KAZN: variants seen among roughly 807,000 people sequenced by gnomAD.
The protein encoded by KAZN is kazrin.
Under a neutral mutation model 87.4 loss-of-function variants are expected in KAZN, and 40 were observed. The ratio of observed to expected loss-of-function variants is 0.46; its 90% CI spans 0.36 to 0.60. The LOEUF is 0.60. Ranked by LOEUF, KAZN falls within the 20% of genes least tolerant of loss-of-function variation. The pLI is 0.00. For synonymous variants in KAZN, 466 were observed against 458.3 expected, an observed-to-expected ratio of 1.02 and a Z score of -0.22; for missense variants, 898 against 1,073.9, an observed-to-expected ratio of 0.84 and a Z score of 2.29.
In KAZN at chr1:14,836,783, C is replaced by T. The variant is rs1426199062; in HGVS notation, c.227-123901C>T. Among the ~76,000 whole-genome samples, 5 of 152,120 alleles carry T rather than the reference C, an allele frequency of 3.3e-5. No individual in the cohort carries two copies. The East Asian group carries it at 9.6e-4, about 29-fold the overall frequency. The stretch of plus-strand genomic sequence containing the variant: ...CGCCTTGCCTCTCTTTAAAATTTTT[C>T]ATTATATTCTATTTAATATATTTTA... On this transcript the variant is annotated intron_variant, in intron 1 of 14. Transcript: ENST00000376030.
chr1:14,634,295 T>C (rs2148664133), intron 1 of KAZN, among the ~76,000 whole-genome samples: 1 of 152,344 alleles, frequency 6.6e-6, no homozygotes, highest in Non-Finnish European at 1.5e-5. Flanking sequence ...CTTCATTTTT[T>C]ATCAAGCCTG....
chr1:14,996,659 G>A lies in KAZN; in HGVS notation c.418+35784G>A, dbSNP rs1667894610. On this transcript the variant is annotated intron_variant, in intron 2 of 14. Coordinates refer to ENST00000376030, the MANE Select transcript of KAZN (RefSeq NM_201628.3). This position sits in a 1 kb window ranked among gnomAD's most constrained non-coding sequence, Gnocchi z 5.9. ...ACAAGATCAGGATCTGGGTCTGTGA[G>A]AGGCCCTGTGTCCCCTACATTCTCT... Among the ~76,000 whole-genome samples, 1 of 152,194 alleles carries A rather than the reference G, an allele frequency of 6.6e-6. No homozygotes were observed. Among genetic ancestry groups the A allele is most frequent in the African/African-American group, 2.4e-5 (1 of 41,454 alleles).
intron 2 of KAZN, among the ~76,000 whole-genome samples, chr1:14,283,664 T>C (rs1653022242): frequency 6.6e-6 from 1 of 152,162 alleles, no homozygotes; most frequent in African/African-American, 2.4e-5. Flanking sequence ...GCGACCCCTT[T>C]GGGAACAATC....
chr1:15,063,488 AG>A (rs1326510974), intron 6 of KAZN, 83 bp from the exon 7 acceptor site: 9 of 1,152,284 alleles, frequency 7.8e-6, no homozygotes, highest in Admixed American at 1.7e-5. Context: ...CTTCCACGGA[AG>A]GCCCCACACC....
At chr1:13,989,542 G>C (rs1372462243) in intron 1 of KAZN, among the ~76,000 whole-genome samples, 1 of 152,060 alleles carries the variant, frequency 6.6e-6, no homozygotes, top group Non-Finnish European at 1.5e-5. Context: ...AATTTTTCAG[G>C]GTTGGGTTAT....
chr1:14,578,976 A>C (rs939500199), intron 2 of KAZN, among the ~76,000 whole-genome samples: 1 of 152,106 alleles, frequency 6.6e-6, no homozygotes, highest in South Asian at 2.1e-4. Context: ...TCTTTTCCCT[A>C]TCCCCAGCAC....
chr1:15,032,326 G>A (rs1252731710), intron 2 of KAZN, among the ~76,000 whole-genome samples: 2 of 151,278 alleles, frequency 1.3e-5, no homozygotes, highest in Non-Finnish European at 2.9e-5. Flanking sequence ...CCGAGTAGCT[G>A]GGACTACAGG....
intron 1 of KAZN, among the ~76,000 whole-genome samples, chr1:14,011,886 C>T (rs1054945223): frequency 6.6e-6 from 1 of 152,180 alleles, no homozygotes; most frequent in African/African-American, 2.4e-5. Flanking sequence ...CTCACGATTA[C>T]CTTGAATCAC....
At chr1:14,938,678 T>G (rs2101624723) in intron 1 of KAZN, among the ~76,000 whole-genome samples, 1 of 152,228 alleles carries the variant, frequency 6.6e-6, no homozygotes, top group South Asian at 2.1e-4. Context: ...GGGAGAAATT[T>G]TTGCAGTTAG....
chr1:14,092,231 C>T (rs1644014210), intron 1 of KAZN, among the ~76,000 whole-genome samples: 1 of 150,842 alleles, frequency 6.6e-6, no homozygotes, highest in Admixed American at 6.6e-5. Flanking sequence ...GCTGGGACTA[C>T]AGGCGCCCAC....
At chr1:15,043,763 C>A (rs1673167600) in intron 3 of KAZN, among the ~76,000 whole-genome samples, 1 of 151,888 alleles carries the variant, frequency 6.6e-6, no homozygotes, top group South Asian at 2.1e-4. Context: ...CTGCCTCAGC[C>A]TCCCGAGTAG....
chr1:14,214,092 T>TA (rs1646909776), intron 2 of KAZN, among the ~76,000 whole-genome samples: 1 of 152,176 alleles, frequency 6.6e-6, no homozygotes, highest in South Asian at 2.1e-4. Context: ...GGAAAATGGA[T>TA]ATGCAAGTCT....
At chr1:14,623,465 C>T (rs1181483604) in intron 1 of KAZN, among the ~76,000 whole-genome samples, 1 of 152,102 alleles carries the variant, frequency 6.6e-6, no homozygotes, top group East Asian at 1.9e-4. Context: ...TGGGGCCTAC[C>T]TGAGGGTGGA....
At position 15,094,445 on chromosome 1, in the gene KAZN, C is replaced by A; in HGVS notation, c.1428+60C>A. ...CATGCCCTCTGTGAGCTTTACGTAC[C>A]CAGAAGCTGGCCTGCCCCCCACTCC... On this transcript the variant is annotated intron_variant, in intron 9 of 14. Transcript: ENST00000376030. The surrounding 1 kb of genome is among the most constrained non-coding windows in gnomAD (Gnocchi z 4.5). 6.7e-7 allele frequency: 1 copy of A among 1,485,678 alleles called. No homozygotes were observed. Among genetic ancestry groups the A allele is most frequent in the Non-Finnish European group, 9.2e-7 (1 of 1,090,618 alleles). 92.0% of individuals were successfully genotyped at this position (1,485,678 alleles called of 1,614,324 possible). A position where few individuals can be genotyped will look rare whatever the true frequency, so the allele number is the denominator to read the frequency against.
intron 1 of KAZN, among the ~76,000 whole-genome samples, chr1:14,032,452 C>T (rs1215632692): frequency 2.0e-5 from 3 of 152,132 alleles, no homozygotes; most frequent in Non-Finnish European, 4.4e-5. Context: ...AACCACTGTA[C>T]CCTGCAGCCT....
chr1:14,693,727 C>A (rs1385357448), intron 1 of KAZN, among the ~76,000 whole-genome samples: 2 of 152,108 alleles, frequency 1.3e-5, no homozygotes, highest in East Asian at 3.9e-4. Context: ...TTCAGAGGCA[C>A]CCGTTTTTCT....
chr1:14,374,852 G>A (rs999348564), intron 2 of KAZN, among the ~76,000 whole-genome samples: 1 of 152,122 alleles, frequency 6.6e-6, no homozygotes, highest in Non-Finnish European at 1.5e-5. Context: ...AATCTGTCCT[G>A]GAAATGAGTA....
chr1:14,704,826 C>T (rs1185283604), intron 1 of KAZN, among the ~76,000 whole-genome samples: 2 of 152,294 alleles, frequency 1.3e-5, no homozygotes, highest in Middle Eastern at 3.4e-3. Flanking sequence ...TTACCCATTG[C>T]CCTGGCTCCT....
intron 2 of KAZN, among the ~76,000 whole-genome samples, chr1:14,976,454 A>G (rs570651646): frequency 3.1e-4 from 47 of 152,150 alleles, no homozygotes; most frequent in Non-Finnish European, 6.0e-4. Context: ...GGAACTGCTC[A>G]CTCACAGGCC....
Sources: gnomAD v4.1 joint callset for allele counts (sites outside exome capture counted in the v4.1 genomes callset) on GRCh38, gnomAD v4.1.1 for gene constraint, Gnocchi (gnomAD v3.1) non-coding constraint, MANE v1.5 for transcripts, NCBI Gene and HGNC (gene_info 2026-07-23, HGNC 2026-07-21) for gene names.